Variants in LINGO2 observed in about 807,000 individuals in gnomAD.
The protein encoded by LINGO2 is leucine-rich repeat and immunoglobulin-like domain-containing nogo receptor-interacting protein 2.
Under a neutral mutation model 30.6 loss-of-function variants are expected in LINGO2, and 14 were observed. The ratio of observed to expected loss-of-function variants is 0.46; its 90% confidence interval spans 0.30 to 0.72. The LOEUF is 0.72. LINGO2 is among the 30% of genes least tolerant of loss of function. LINGO2 has a pLI of 0.07. For synonymous variants in LINGO2, 317 were observed against 288.5 expected (o/e 1.10, Z -1.00); for missense variants, 729 against 751.7 (o/e 0.97, Z 0.35).
the LINGO2 span, among the ~76,000 whole-genome samples, chr9:29,085,281 T>TAAAAAAAAAAAAA: frequency 6.5e-5 from 5 of 77,036 alleles, no homozygotes; most frequent in African/African-American, 8.9e-5. Flanking sequence ...CTATGGTAAG[T>TAAAAAAAAAAAAA]AAAAAAAAAA....
At chr9:28,527,147 T>TA (rs1293013465) in intron 1 of LINGO2, among the ~76,000 whole-genome samples, 1 of 152,190 alleles carries the variant, frequency 6.6e-6, no homozygotes, top group Non-Finnish European at 1.5e-5. Flanking sequence ...TTATGTAGTA[T>TA]AATCTTCTCG....
chr9:29,082,882 G>A, the LINGO2 span, among the ~76,000 whole-genome samples: 1 of 152,118 alleles, frequency 6.6e-6, no homozygotes, highest in South Asian at 2.1e-4. Context: ...ATTACAATGA[G>A]ATACCATCTC....
the LINGO2 span, among the ~76,000 whole-genome samples, chr9:28,883,628 G>GTGTGTATGTATATATATACATATATA: frequency 1.6e-5 from 1 of 64,180 alleles, no homozygotes; most frequent in Admixed American, 2.0e-4. Context: ...ATGTGTGTGT[G>GTGTGTATGTATATATATACATATATA]TATATATATA....
chr9:29,008,735 GTGTC>G, the LINGO2 span, among the ~76,000 whole-genome samples: 339 of 152,214 alleles, frequency 2.2e-3, 1 homozygote, highest in Non-Finnish European at 3.9e-3. Flanking sequence ...CTTTTGAGAA[GTGTC>G]TGTTCATATC....
At chr9:29,195,732 T>G in the LINGO2 span, among the ~76,000 whole-genome samples, 3 of 152,156 alleles carry the variant, frequency 2.0e-5, no homozygotes, top group Non-Finnish European at 2.9e-5. Flanking sequence ...GCAGCTAAAT[T>G]TAATCTGGAC....
At chr9:28,073,688 A>G (rs1167168184) in intron 4 of LINGO2, among the ~76,000 whole-genome samples, 1 of 152,180 alleles carries the variant, frequency 6.6e-6, no homozygotes, top group Non-Finnish European at 1.5e-5. Flanking sequence ...AGATTTCTTT[A>G]TCTCTGAGTT....
chr9:28,438,502 C>T (rs10968600), intron 2 of LINGO2, among the ~76,000 whole-genome samples: 45,059 of 151,976 alleles, frequency 0.3, 7,913 homozygotes, highest in Non-Finnish European at 0.39. Flanking sequence ...TGTCTTCAGC[C>T]TCAGACTGAA....
chr9:28,015,823 C>G (rs1174078956), intron 4 of LINGO2, among the ~76,000 whole-genome samples: 1 of 151,958 alleles, frequency 6.6e-6, no homozygotes, highest in Non-Finnish European at 1.5e-5. Context: ...TTAATTTGTT[C>G]ATTTTACAAA....
intron 4 of LINGO2, among the ~76,000 whole-genome samples, chr9:28,283,649 G>A (rs938464027): frequency 6.6e-6 from 1 of 152,102 alleles, no homozygotes; most frequent in African/African-American, 2.4e-5. Flanking sequence ...TGTATTAGCT[G>A]TGTGAGCTTA....
chr9:28,769,499 TATATATATATATATATA>T, the LINGO2 span, among the ~76,000 whole-genome samples: 1 of 6,288 alleles, frequency 1.6e-4, no homozygotes, highest in Non-Finnish European at 2.9e-4. Context: ...TATATATATA[TATATATATATATATATA>T]TATTTTTTTT....
chr9:28,838,351 A>G, the LINGO2 span, among the ~76,000 whole-genome samples: 3 of 152,218 alleles, frequency 2.0e-5, no homozygotes, highest in Admixed American at 6.5e-5. Context: ...CTCATACAAT[A>G]CATTATTTCA....
intron 3 of LINGO2, among the ~76,000 whole-genome samples, chr9:28,307,964 A>T (rs909589800): frequency 3.3e-5 from 5 of 152,008 alleles, no homozygotes; most frequent in Admixed American, 2.0e-4. Context: ...TTCCATGCTC[A>T]TGGGTAGGAA....
chr9:28,542,992 CCAGAGGAGATCAGGCTT>C (rs1451378883), intron 1 of LINGO2, among the ~76,000 whole-genome samples: 1 of 151,716 alleles, frequency 6.6e-6, no homozygotes, highest in Non-Finnish European at 1.5e-5. Flanking sequence ...AGGAAAAGCA[CCAGAGGAGATCAGGCTT>C]CAGTGACAAA....
At chr9:28,444,271 A>G (rs564427267) in intron 2 of LINGO2, among the ~76,000 whole-genome samples, 4 of 152,176 alleles carry the variant, frequency 2.6e-5, no homozygotes, top group African/African-American at 9.6e-5. Context: ...GTGGGAGTGA[A>G]GAGTGGTGAC....
chr9:28,726,036 A>G, the LINGO2 span, among the ~76,000 whole-genome samples: 1 of 152,144 alleles, frequency 6.6e-6, no homozygotes, highest in East Asian at 1.9e-4. Context: ...ATTTCATTCT[A>G]GTTTCATATG....
chr9:28,666,358 T>G (rs1828801878), intron 1 of LINGO2, among the ~76,000 whole-genome samples: 1 of 152,168 alleles, frequency 6.6e-6, no homozygotes, highest in South Asian at 2.1e-4. Context: ...AAGACTTTCC[T>G]TTGAAAATAA....
intron 4 of LINGO2, among the ~76,000 whole-genome samples, chr9:28,021,467 G>A (rs895103967): frequency 1.3e-5 from 2 of 152,020 alleles, no homozygotes; most frequent in African/African-American, 4.8e-5. Context: ...ATATTTTCCT[G>A]TTGCTGGATG....
At chr9:28,945,726 A>C in the LINGO2 span, among the ~76,000 whole-genome samples, 1 of 152,292 alleles carries the variant, frequency 6.6e-6, no homozygotes, top group East Asian at 1.9e-4. Context: ...GGTGGTTGTA[A>C]ACACTTTAAA....
the LINGO2 span, among the ~76,000 whole-genome samples, chr9:28,726,719 T>A: frequency 6.6e-6 from 1 of 152,196 alleles, no homozygotes; most frequent in African/African-American, 2.4e-5. Flanking sequence ...TTGAACATAT[T>A]TCAAAAGAGT....
Sources: allele counts gnomAD v4.1 joint callset (sites outside exome capture counted in the v4.1 genomes callset), GRCh38; gene constraint gnomAD v4.1.1; transcripts MANE v1.5; gene names NCBI Gene and HGNC (gene_info 2026-07-23, HGNC 2026-07-21).